The following INPP5D variants were observed in gnomAD, a reference collection of about 807,000 sequenced individuals.
INPP5D encodes inositol polyphosphate-5-phosphatase D.
In INPP5D, 33 loss-of-function variants were observed where a neutral mutation model predicts 122.9. That is an observed-to-expected ratio of 0.27 (90% CI 0.20 to 0.36). The LOEUF is 0.36. Among genes scored for constraint, INPP5D ranks in the 10% least tolerant of loss-of-function variants. INPP5D has a pLI of 1.00. For synonymous variants in INPP5D, 584 were observed against 576.2 expected (o/e 1.01, Z -0.19); for missense variants, 1,053 against 1,412.7 (o/e 0.75, Z 4.08).
chr2:233,073,414 C>T lies in INPP5D; in HGVS notation c.135-5921C>T, dbSNP rs180741169. Among the ~76,000 whole-genome samples the T allele has an allele frequency of 2.4e-3, 358 of 152,052 alleles. 3 individuals are homozygous for T. The highest frequency in any genetic ancestry group is 0.019 in the East Asian group (96 of 5,170). On this transcript the variant is annotated intron_variant, in intron 1 of 26. Transcript: ENST00000445964. ...CAGCACTTTGGGAGGCTGAAGCAGG[C>T]GGATCACCTGAGGTCAGGAGTTCAA...
intron 18 of INPP5D, among the ~76,000 whole-genome samples, chr2:233,182,133 G>C (rs1205855409): frequency 1.3e-5 from 2 of 152,068 alleles, no homozygotes; most frequent in African/African-American, 2.4e-5. Context: ...GATTAGACCA[G>C]AAAAATCTCC....
chr2:233,075,179 C>T (rs1251056960), intron 1 of INPP5D, among the ~76,000 whole-genome samples: 2 of 152,170 alleles, frequency 1.3e-5, no homozygotes, highest in Non-Finnish European at 2.9e-5. Flanking sequence ...AGCCCCCCTT[C>T]ATTTGGGAAT....
In INPP5D at chr2:233,133,184, C is replaced by T. The variant is rs1163052091; in HGVS notation, c.665+2536C>T. 4.6e-5 allele frequency among the ~76,000 whole-genome samples: 7 copies of T among 152,266 alleles called. No homozygotes were observed. In the South Asian group the frequency reaches 1.5e-3, roughly 32 times the overall value. On this transcript the variant is annotated intron_variant, in intron 5 of 26. Transcript: ENST00000445964. ...CTAGGCTCAAGCAATCTGCCTTCCT[C>T]GGCCCCCCAAAGTGCTGCAATTACA...
At chr2:233,079,554 A>C (rs1330068948) in intron 2 of INPP5D, among the ~76,000 whole-genome samples, 156 bp downstream of exon 2, 1 of 152,174 alleles carries the variant, frequency 6.6e-6, no homozygotes, top group Non-Finnish European at 1.5e-5. Flanking sequence ...GGGGTGGCTT[A>C]GCTGGTAAAC....
Position 233,147,504 on chromosome 2 carries a change from A to C in INPP5D, c.940A>C (p.Met314Leu), listed in dbSNP as rs1351918777. ...AGAGTCTCTGGGGATTCCTCAGAAA[A>C]TGCAGCTCAAAGTCGACGTTGAGTC... ...KAESLGIPQK[M>L]QLKVDVESGK... Residue 314 changes from methionine to leucine, a missense_variant, in exon 9 of 27, where the codon ATG becomes CTG. By Grantham distance (15) the Met-to-Leu change is conservative. Coordinates refer to ENST00000445964, the MANE Select transcript of INPP5D (RefSeq NM_001017915.3). The C allele has an allele frequency of 1.6e-5, 11 of 704,158 alleles. No individual in the cohort carries two copies. The highest frequency in any genetic ancestry group is 5.2e-6 in the Non-Finnish European group (2 of 385,016). The allele number at this position is 704,158 out of a possible 1,614,324, so 43.6% of individuals were successfully genotyped here. A position where few individuals can be genotyped will look rare whatever the true frequency, so the allele number is the denominator to read the frequency against.
rs924341233 is a variant in INPP5D at position 233,078,732 on chromosome 2, G to C, written c.135-603G>C. ...GGAGTCTCACTCTGTCGCCAGGCTG[G>C]AGTGAAGTGGCACATTCTCGGCTCA... On this transcript the variant is annotated intron_variant, in intron 1 of 26. Transcript: ENST00000445964. This position sits in a 1 kb window ranked among gnomAD's most constrained non-coding sequence, Gnocchi z 4.6. Among the ~76,000 whole-genome samples, 8 of 152,140 alleles carry C rather than the reference G, an allele frequency of 5.3e-5. No individual in the cohort carries two copies. The highest frequency in any genetic ancestry group is 1.9e-4 in the African/African-American group (8 of 41,408).
intron 2 of INPP5D, among the ~76,000 whole-genome samples, chr2:233,110,358 TTTTTTA>T (rs1265269297): frequency 6.6e-6 from 1 of 151,508 alleles, no homozygotes; most frequent in African/African-American, 2.4e-5. Flanking sequence ...CCTGGCCTAA[TTTTTTA>T]TTTTTATTTT....
At position 233,188,692 on chromosome 2, in the gene INPP5D, C is replaced by G. The variant is rs4663221; in HGVS notation, c.2359-1158C>G. ...TTTGCCTGTCTCAGCCTCCCGAGTA[C>G]CTGGGACGACAGGCACGCCCCATCA... On this transcript the variant is annotated intron_variant, in intron 21 of 26. Coordinates refer to ENST00000445964, the MANE Select transcript of INPP5D (RefSeq NM_001017915.3). The surrounding 1 kb of genome is among the most constrained non-coding windows in gnomAD (Gnocchi z 4.7). 0.86 allele frequency among the ~76,000 whole-genome samples: 130,656 copies of G among 152,206 alleles called. 56,532 individuals are homozygous for G. The highest frequency in any genetic ancestry group is 1 in the East Asian group (5,172 of 5,176).
At chr2:233,132,858 G>A (rs1693366101) in intron 5 of INPP5D, among the ~76,000 whole-genome samples, 1 of 150,866 alleles carries the variant, frequency 6.6e-6, no homozygotes, top group African/African-American at 2.4e-5. Context: ...GCACACAACA[G>A]TAGACTAAGG....
Position 233,066,960 on chromosome 2 carries a change from T to C in INPP5D, c.134+6348T>C, listed in dbSNP as rs369509919. On this transcript the variant is annotated intron_variant, in intron 1 of 26. Coordinates refer to ENST00000445964, the MANE Select transcript of INPP5D (RefSeq NM_001017915.3). ...ACCCAGCTAATTTTTGTATTTTTAGTAGAGACGAGGTTTCACCATGTTGGC... is the reference window on the plus strand; with the variant it reads ...ACCCAGCTAATTTTTGTATTTTTAGCAGAGACGAGGTTTCACCATGTTGGC... 4.6e-5 allele frequency among the ~76,000 whole-genome samples: 7 copies of C among 152,166 alleles called. No individual in the cohort carries two copies. The East Asian group carries it at 5.8e-4, about 13-fold the overall frequency.
In INPP5D at chr2:233,171,053, CTCTGTT is replaced by C; in HGVS notation, c.1901-8_1901-3del. The stretch of plus-strand genomic sequence containing the variant: ...GGAATCAGAATTAAAACGAAAGTCT[CTCTGTT>C]TCAGAGGAGGAAGAAATCACGTTTG... On this transcript the variant is annotated splice_polypyrimidine_tract_variant and splice_region_variant and intron_variant, in intron 16 of 26. Transcript: ENST00000445964. 1 of 1,613,478 alleles carries C rather than the reference CTCTGTT, an allele frequency of 6.2e-7. No homozygotes were observed. The highest frequency in any genetic ancestry group is 8.5e-7 in the Non-Finnish European group (1 of 1,179,720).
chr2:233,096,448 T>C (rs541462518), intron 2 of INPP5D, among the ~76,000 whole-genome samples: 1 of 152,174 alleles, frequency 6.6e-6, no homozygotes, highest in South Asian at 2.1e-4. Flanking sequence ...GGTCAGAAGT[T>C]CGAGACCAGC....
chr2:233,193,995 A>G (rs758494309), intron 23 of INPP5D, 34 bp downstream of exon 23: 2 of 1,545,392 alleles, frequency 1.3e-6, no homozygotes, highest in South Asian at 2.4e-5. Flanking sequence ...CGCCCTCTTC[A>G]GCCCCCCACT....
At chr2:233,087,304 G>A (rs1691878529) in intron 2 of INPP5D, among the ~76,000 whole-genome samples, 1 of 151,952 alleles carries the variant, frequency 6.6e-6, no homozygotes, top group African/African-American at 2.4e-5. Context: ...GTGACTACCT[G>A]ATTTTATATT....
intron 19 of INPP5D, among the ~76,000 whole-genome samples, chr2:233,182,711 T>C (rs1052089042): frequency 5.3e-5 from 8 of 152,148 alleles, no homozygotes; most frequent in Admixed American, 3.9e-4. Context: ...TGTCAGCCTT[T>C]TGAGCCTCAA....
chr2:233,182,537 A>T, intron 19 of INPP5D, 38 bp downstream of exon 19: 2 of 1,608,762 alleles, frequency 1.2e-6, no homozygotes, highest in Non-Finnish European at 1.7e-6. Flanking sequence ...TGTTTTCCTC[A>T]ATGACAAGGA....
At chr2:233,149,762 C>G (rs1444543117) in intron 9 of INPP5D, among the ~76,000 whole-genome samples, 1 of 152,162 alleles carries the variant, frequency 6.6e-6, no homozygotes, top group Admixed American at 6.5e-5. Context: ...TGCCTTTTCT[C>G]TGGTCCTCAG....
intron 22 of INPP5D, among the ~76,000 whole-genome samples, chr2:233,191,901 AG>A (rs1695067907): frequency 6.6e-6 from 1 of 152,234 alleles, no homozygotes; most frequent in South Asian, 2.1e-4. Flanking sequence ...CCCCACGCAT[AG>A]TCTCCCATTG....
chr2:233,136,415 G>T (rs1693465001), intron 5 of INPP5D, among the ~76,000 whole-genome samples: 1 of 152,020 alleles, frequency 6.6e-6, no homozygotes, highest in African/African-American at 2.4e-5. Flanking sequence ...GGAGACGGAG[G>T]TTGCAGTGAG....
Sources: allele counts gnomAD v4.1 joint callset (sites outside exome capture counted in the v4.1 genomes callset), GRCh38; gene constraint gnomAD v4.1.1; non-coding constraint Gnocchi (gnomAD v3.1); transcripts MANE v1.5; gene names NCBI Gene and HGNC (gene_info 2026-07-23, HGNC 2026-07-21).